DDX31: variants seen among roughly 807,000 people sequenced by gnomAD.
DDX31 encodes ATP-dependent DNA helicase DDX31.
Under a neutral mutation model 91.3 loss-of-function variants are expected in DDX31, and 70 were observed. That is an observed-to-expected ratio of 0.77 (90% CI 0.63 to 0.94). The LOEUF (loss-of-function observed/expected upper bound fraction) is 0.94, where lower values mean the gene tolerates loss of function less well. Ranked by LOEUF, DDX31 falls within the 40% of genes least tolerant of loss-of-function variation. The pLI is 0.00. For missense variants in DDX31, 902 were observed against 925.0 expected (o/e 0.98, Z 0.32); for synonymous variants, 362 against 350.6 (o/e 1.03, Z -0.36).
intron 19 of DDX31, among the ~76,000 whole-genome samples, chr9:132,608,448 A>T (rs417718): frequency 0.072 from 11,024 of 152,178 alleles, 517 homozygotes; most frequent in East Asian, 0.11. Context: ...ACTAAAGGCA[A>T]TGTAAGAGAC....
At chr9:132,653,811 C>A (rs1222811608) in intron 6 of DDX31, among the ~76,000 whole-genome samples, 2 of 151,716 alleles carry the variant, frequency 1.3e-5, no homozygotes, top group Non-Finnish European at 2.9e-5. Flanking sequence ...ACATATATAA[C>A]CAAACAACCT....
chr9:132,623,577 AAAG>A (rs1384390528), intron 17 of DDX31, among the ~76,000 whole-genome samples: 1 of 151,420 alleles, frequency 6.6e-6, no homozygotes, highest in Non-Finnish European at 1.5e-5. Context: ...AAGAAAAAAA[AAAG>A]AAAAAAGAAA....
intron 4 of DDX31, among the ~76,000 whole-genome samples, chr9:132,660,667 TATTA>T (rs977001620): frequency 4.6e-5 from 7 of 152,338 alleles, no homozygotes; most frequent in Admixed American, 3.3e-4. Flanking sequence ...TTAATATTCC[TATTA>T]ATTTTTACTA....
rs1834745469 is a variant in DDX31 at position 132,658,741 on chromosome 9, A to C, written c.524-6T>G. Reference sequence around the variant, plus strand: ...GCAATAGGCAAGAGTTTTACCTTTCAAAAAAAAAGCAGAAGCAATTAAAAT... The same window carrying C: ...GCAATAGGCAAGAGTTTTACCTTTCCAAAAAAAAGCAGAAGCAATTAAAAT... On this transcript the variant is annotated splice_region_variant and splice_polypyrimidine_tract_variant and intron_variant, in intron 5 of 19. Transcript: ENST00000372159. 2 of 1,570,338 alleles carry C rather than the reference A, an allele frequency of 1.3e-6. No homozygotes were observed. The highest frequency in any genetic ancestry group is 1.8e-5 in the Admixed American group (1 of 56,792).
chr9:132,663,918 T>C (rs1590109883), intron 1 of DDX31, among the ~76,000 whole-genome samples: 1 of 152,352 alleles, frequency 6.6e-6, no homozygotes, highest in East Asian at 1.9e-4. Context: ...TGTTGAATCA[T>C]TTGCAAGACA....
At chr9:132,611,324 G>A (rs1286758685) in intron 19 of DDX31, among the ~76,000 whole-genome samples, 1 of 152,138 alleles carries the variant, frequency 6.6e-6, no homozygotes, top group Non-Finnish European at 1.5e-5. Flanking sequence ...GAGACCATCC[G>A]CCCCAAAGTT....
rs76325954 is a variant in DDX31 at position 132,626,825 on chromosome 9, C to T, written c.1632-1080G>A. On this transcript the variant is annotated intron_variant, in intron 16 of 19. Transcript: ENST00000372159. ...CTGCACACCCCCAGCCCTCACCCCT[C>T]AGCATCCTCTCTCTGCTGCCAACTC... is the stretch of plus-strand genomic sequence containing the variant. 8.8e-3 allele frequency among the ~76,000 whole-genome samples: 1,339 copies of T among 152,244 alleles called. 22 individuals are homozygous for T. The highest frequency in any genetic ancestry group is 0.031 in the African/African-American group (1,272 of 41,536).
intron 17 of DDX31, among the ~76,000 whole-genome samples, chr9:132,620,589 G>A (rs943757520): frequency 1.1e-4 from 16 of 149,452 alleles, no homozygotes; most frequent in South Asian, 8.4e-4. Context: ...CAATACTTAG[G>A]AAAAAAAAAA....
chr9:132,656,507 GCACATGCATTAGCTCAACCCTGAT>G lies in DDX31; in HGVS notation c.588+2140_588+2163del, dbSNP rs560747219. 7.0e-4 allele frequency among the ~76,000 whole-genome samples: 107 copies of G among 152,286 alleles called. 3 individuals carry two copies. Among genetic ancestry groups the G allele is most frequent in the Admixed American group, 5.6e-3 (85 of 15,300 alleles). ...GCACTGCCCGTCGGGTCTCAACACT[GCACATGCATTAGCTCAACCCTGAT>G]CCCAGCCCTTGGAGACAGGCACTGA... On this transcript the variant is annotated intron_variant, in intron 6 of 19. Transcript: ENST00000372159.
At chr9:132,626,573 A>G (rs11243845) in intron 16 of DDX31, among the ~76,000 whole-genome samples, 29,186 of 152,200 alleles carry the variant, frequency 0.19, 3,589 homozygotes, top group East Asian at 0.42. Flanking sequence ...AGAGAAACAG[A>G]AAGAGAAGAA....
At chr9:132,617,252 A>G (rs971333647) in intron 18 of DDX31, among the ~76,000 whole-genome samples, 1 of 152,112 alleles carries the variant, frequency 6.6e-6, no homozygotes, top group African/African-American at 2.4e-5. Flanking sequence ...AGTATCACCT[A>G]CACAATGAGG....
In DDX31 at chr9:132,632,079, G is replaced by A. The variant is rs754917433; in HGVS notation, c.1453C>T (p.Arg485Trp). Reference sequence around the variant, plus strand: ...GTGACTTGAGGGAGATCTAAGCCCCGAGCTGCAACATCCTTTAACAAAGAA... The same window carrying A: ...GTGACTTGAGGGAGATCTAAGCCCCAAGCTGCAACATCCTTTAACAAAGAA... ...GVLLCTDVAA[R>W]GLDLPQVTWI... Residue 485 changes from arginine to tryptophan, a missense_variant, in exon 15 of 20, where the codon CGG (arginine) becomes TGG (tryptophan). Physicochemically the swap from Arg to Trp is moderately radical, Grantham distance 101. Coordinates refer to ENST00000372159, the MANE Select transcript of DDX31 (RefSeq NM_022779.9). 38 of 1,612,972 alleles carry A rather than the reference G, an allele frequency of 2.4e-5. No homozygotes were observed. In the East Asian group the frequency reaches 4.0e-4, roughly 17 times the overall value.
chr9:132,663,227 T>C (rs1401704111), intron 1 of DDX31: 7 of 1,289,246 alleles, frequency 5.4e-6, no homozygotes, highest in Non-Finnish European at 7.1e-6. Context: ...ATTACCATTC[T>C]ACCCTAGCGC....
In DDX31 at chr9:132,634,585, GTT is replaced by G. The variant is rs59296842; in HGVS notation, c.1441-2496_1441-2495del. On this transcript the variant is annotated intron_variant, in intron 14 of 19. Coordinates refer to ENST00000372159, the MANE Select transcript of DDX31 (RefSeq NM_022779.9). ...CAAATTCTCCAACTGTACCTAAGAT[GTT>G]TTTTTTTTTTTTTTTTTTTTTTAAA... Among the ~76,000 whole-genome samples the G allele has an allele frequency of 5.0e-3, 517 of 103,080 alleles. 1 individual carries two copies. Among genetic ancestry groups the G allele is most frequent in the South Asian group, 0.018 (50 of 2,760 alleles). The allele number at this position is 103,080 out of a possible 152,430, so 67.6% of individuals were successfully genotyped here. A position where few individuals can be genotyped will look rare whatever the true frequency, so the allele number is the denominator to read the frequency against.
rs968128525 is a variant in DDX31 at position 132,594,580 on chromosome 9, C to A, written c.*286G>T. The A allele has an allele frequency of 6.1e-6, 2 of 325,460 alleles. No homozygotes were observed. Among genetic ancestry groups the A allele is most frequent in the Non-Finnish European group, 1.1e-5 (2 of 179,930 alleles). The allele number at this position is 325,460 out of a possible 1,614,324, so 20.2% of individuals were successfully genotyped here. ...CCGGGGTGCCAGCTCAACCCCGGCA[C>A]GTCAGCACCTGGGTGAAGGGAGTGC... On this transcript the variant is annotated 3_prime_UTR_variant, in exon 20 of 20. Coordinates refer to ENST00000372159, the MANE Select transcript of DDX31 (RefSeq NM_022779.9).
intron 19 of DDX31, among the ~76,000 whole-genome samples, chr9:132,600,879 G>A (rs953709133): frequency 6.6e-5 from 10 of 152,152 alleles, no homozygotes; most frequent in Admixed American, 2.6e-4. Context: ...TTCGTTTCCC[G>A]GTACATCAGA....
At chr9:132,615,154 T>G (rs1165390009) in intron 18 of DDX31, among the ~76,000 whole-genome samples, 1 of 152,206 alleles carries the variant, frequency 6.6e-6, no homozygotes, top group Non-Finnish European at 1.5e-5. Context: ...TGATTCCTAT[T>G]TCTTGCCAAC....
chr9:132,633,610 G>A (rs1410773725), intron 14 of DDX31, among the ~76,000 whole-genome samples: 1 of 152,004 alleles, frequency 6.6e-6, no homozygotes, highest in East Asian at 1.9e-4. Flanking sequence ...TGTGTAAGAA[G>A]TTGGGAAAAT....
rs777156756 is a variant in DDX31 at position 132,662,334 on chromosome 9, G to C, written c.335C>G (p.Pro112Arg). ...TTTTTCTTGCACCTGCTTTACCACA[G>C]GTCTGCAAATGATGAACAAGAACCC... Reference protein sequence around the residue: ...NNPDIPELHRPVVKQVQEKVF... With the variant: ...NNPDIPELHRRVVKQVQEKVF... Residue 112 changes from proline (P) to arginine (R), a missense_variant and splice_region_variant, in exon 3 of 20, where the codon CCT becomes CGT. By Grantham distance (103) the Pro-to-Arg change is moderately radical. Coordinates refer to ENST00000372159, the MANE Select transcript of DDX31 (RefSeq NM_022779.9). 1 of 1,614,160 alleles carries C rather than the reference G, an allele frequency of 6.2e-7. No homozygotes were observed. The highest frequency in any genetic ancestry group is 2.2e-5 in the East Asian group (1 of 44,890).
Sources: gnomAD v4.1 joint callset for allele counts (sites outside exome capture counted in the v4.1 genomes callset) on GRCh38, gnomAD v4.1.1 for gene constraint, MANE v1.5 for transcripts, NCBI Gene and HGNC (gene_info 2026-07-23, HGNC 2026-07-21) for gene names.